The following TAB1 variants were observed in gnomAD, a reference collection of about 807,000 sequenced individuals.
TAB1 encodes TGF-beta activated kinase 1 (MAP3K7) binding protein 1.
In TAB1, 30 loss-of-function variants were observed where a neutral mutation model predicts 54.5. The observed-to-expected ratio is 0.55, with a 90% CI of 0.41 to 0.75. TAB1 has a LOEUF of 0.75. Ranked by LOEUF, TAB1 falls within the 30% of genes least tolerant of loss-of-function variation. The pLI is 0.00. For synonymous variants in TAB1, 289 were observed against 286.9 expected, an observed-to-expected ratio of 1.01 and a Z score of -0.07; for missense variants, 609 against 683.2, an observed-to-expected ratio of 0.89 and a Z score of 1.21.
chr22:39,408,216 A>G (rs1038831633), intron 1 of TAB1, among the ~76,000 whole-genome samples: 2 of 152,250 alleles, frequency 1.3e-5, no homozygotes, highest in Admixed American at 6.5e-5. Flanking sequence ...TCTAGACACT[A>G]TTCACGGGTA....
In TAB1 at chr22:39,430,897, C is replaced by T. The variant is rs376771016; in HGVS notation, c.*675C>T. ...GAGACCTGGAACTGCCAGAGGATGG[C>T]GGCCTGGGCTTCCCCAGAGCCAGGC... On this transcript the variant is annotated 3_prime_UTR_variant, in exon 11 of 11. Transcript: ENST00000216160. The T allele has an allele frequency of 8.1e-6, 8 of 987,340 alleles. No individual in the cohort carries two copies. The highest frequency in any genetic ancestry group is 3.5e-5 in the African/African-American group (2 of 57,254). The allele number at this position is 987,340 out of a possible 1,614,324, so 61.2% of individuals were successfully genotyped here. A position where few individuals can be genotyped will look rare whatever the true frequency, so the allele number is the denominator to read the frequency against.
intron 1 of TAB1, among the ~76,000 whole-genome samples, chr22:39,400,204 T>C (rs1926074273): frequency 6.6e-6 from 1 of 152,210 alleles, no homozygotes. Context: ...AGTGTACCGC[T>C]TACTGCATCC....
At chr22:39,433,870 C>T (rs567999181), downstream of TAB1, 1,797 of 964,368 alleles carry the variant, frequency 1.9e-3, 2 homozygotes, top group Non-Finnish European at 2.1e-3. Flanking sequence ...GAGCCCTTCC[C>T]TGGCCCCCAC....
At chr22:39,434,318 C>T (rs972611593), downstream of TAB1, among the ~76,000 whole-genome samples, 26 of 152,384 alleles carry the variant, frequency 1.7e-4, no homozygotes, top group African/African-American at 6.3e-4. Flanking sequence ...GAAGCAGGTA[C>T]CGGGTCGATG....
chr22:39,433,849 C>T (rs1927680145), downstream of TAB1: 1 of 983,660 alleles, frequency 1.0e-6, no homozygotes, highest in East Asian at 1.1e-4. Context: ...CACAGATGCC[C>T]CCTCTGGAAA....
intron 1 of TAB1, among the ~76,000 whole-genome samples, chr22:39,400,194 A>G (rs922807584): frequency 6.6e-5 from 10 of 152,170 alleles, no homozygotes; most frequent in African/African-American, 2.4e-4. Flanking sequence ...CAGCATCCAC[A>G]GTGTACCGCT....
downstream of TAB1, chr22:39,436,458 C>T (rs760404093): frequency 1.3e-6 from 2 of 1,570,158 alleles, no homozygotes; most frequent in Admixed American, 3.3e-5. Context: ...GACTTTTCTT[C>T]ATGTGTCATG....
intron 1 of TAB1, among the ~76,000 whole-genome samples, chr22:39,401,196 C>T (rs541701903): frequency 6.6e-6 from 1 of 152,306 alleles, no homozygotes; most frequent in Admixed American, 6.5e-5. Context: ...GTCCAGTGCT[C>T]GCCCTTGGCG....
downstream of TAB1, chr22:39,432,885 C>G (rs1277580280): frequency 1.0e-6 from 1 of 985,292 alleles, no homozygotes; most frequent in African/African-American, 1.7e-5. Context: ...GACACTGTTT[C>G]ATCTAAGAGG....
chr22:39,433,173 C>G (rs962025110), downstream of TAB1: 2 of 985,414 alleles, frequency 2.0e-6, no homozygotes, highest in South Asian at 9.4e-5. Flanking sequence ...CAGTCTCGGC[C>G]GGGCGCGGTG....
At chr22:39,434,519 G>A (rs994085545), downstream of TAB1, among the ~76,000 whole-genome samples, 6 of 152,232 alleles carry the variant, frequency 3.9e-5, no homozygotes, top group Admixed American at 3.3e-4. Flanking sequence ...TGCCAATCCC[G>A]ATGAGCTCGG....
At chr22:39,423,775 A>G (rs1288254553) in intron 8 of TAB1, among the ~76,000 whole-genome samples, 1 of 152,168 alleles carries the variant, frequency 6.6e-6, no homozygotes, top group Non-Finnish European at 1.5e-5. Flanking sequence ...CATTGTAAGT[A>G]ATGTATAGTG....
At chr22:39,436,701 A>G (rs1462170162), downstream of TAB1, 1 of 708,542 alleles carries the variant, frequency 1.4e-6, no homozygotes, top group South Asian at 1.7e-5. Context: ...GGGACTGGGC[A>G]GACCCCCTCC....
At position 39,430,126 on chromosome 22, in the gene TAB1, C is replaced by T. The variant is rs377100708; in HGVS notation, c.1419C>T (p.Gly473=). The stretch of plus-strand genomic sequence containing the variant: ...GGCCCGCCCACTCGCTCCCGCCTGG[C>T]GAGGACGGTCGTGTTGAGCCCTATG... The part of the protein sequence containing the change: ...RSRPAHSLPP[G]EDGRVEPYVD... The change falls in exon 11 of 11, where the codon GGC becomes GGT. Residue 473 remains glycine, a synonymous_variant. Coordinates refer to ENST00000216160, the MANE Select transcript of TAB1 (RefSeq NM_006116.3). 5.8e-5 allele frequency: 94 copies of T among 1,614,038 alleles called. 1 individual carries two copies. The Middle Eastern group carries it at 9.9e-4, about 17-fold the overall frequency.
At position 39,399,780 on chromosome 22, in the gene TAB1, G is replaced by A. The variant is rs927627828; in HGVS notation, c.-23G>A. The stretch of plus-strand genomic sequence containing the variant: ...CTCGCTGCTCTGCGGGGAGGCGGGC[G>A]CTCCCGCAGGGGTTCCTCCAAGATG... On this transcript the variant is annotated 5_prime_UTR_variant, in exon 1 of 11. Coordinates refer to ENST00000216160, the MANE Select transcript of TAB1 (RefSeq NM_006116.3). 1.3e-6 allele frequency: 2 copies of A among 1,579,280 alleles called. No homozygotes were observed. Among genetic ancestry groups the A allele is most frequent in the Admixed American group, 1.8e-5 (1 of 54,160 alleles).
intron 9 of TAB1, 94 bp downstream of exon 9, chr22:39,427,019 G>A (rs1446065705): frequency 9.7e-6 from 12 of 1,235,184 alleles, no homozygotes; most frequent in South Asian, 4.2e-5. Flanking sequence ...AACGGAGATG[G>A]AGTCAGGAGG....
At chr22:39,427,128 C>T (rs528172397) in intron 9 of TAB1, among the ~76,000 whole-genome samples, 2 of 152,290 alleles carry the variant, frequency 1.3e-5, no homozygotes, top group African/African-American at 4.8e-5. Context: ...AGGTTAATAC[C>T]ACCTGCCCCG....
intron 3 of TAB1, among the ~76,000 whole-genome samples, chr22:39,416,203 CT>C (rs1447590239): frequency 6.6e-6 from 1 of 152,184 alleles, no homozygotes; most frequent in Non-Finnish European, 1.5e-5. Context: ...TGGTGCCAGC[CT>C]TTTCCTGCCC....
chr22:39,418,845 G>T lies in TAB1; in HGVS notation c.664G>T (p.Gly222Cys). The T allele has an allele frequency of 6.2e-7, 1 of 1,612,538 alleles. No homozygotes were observed. The highest frequency in any genetic ancestry group is 8.5e-7 in the Non-Finnish European group (1 of 1,178,628). The stretch of plus-strand genomic sequence containing the variant: ...TGAGCTCTTCCGTCTTTCGCAGCTG[G>T]GTGAGTGGGGAGAGTGGGAGCGGAA... ...EDELFRLSQLGLDAGKIKQVG... is the reference protein window; with the variant it reads ...EDELFRLSQLCLDAGKIKQVG... The change falls in exon 6 of 11, where the codon GGC (glycine) becomes TGC (cysteine). Residue 222 changes from glycine (G) to cysteine (C), a missense_variant and splice_region_variant. Transcript: ENST00000216160.
Sources: gnomAD v4.1 joint callset for allele counts (sites outside exome capture counted in the v4.1 genomes callset) on GRCh38, gnomAD v4.1.1 for gene constraint, MANE v1.5 for transcripts, NCBI Gene and HGNC (gene_info 2026-07-23, HGNC 2026-07-21) for gene names.